CNST: variants seen among roughly 807,000 people sequenced by gnomAD.
CNST encodes consortin.
In CNST, 39 loss-of-function variants were observed where a neutral mutation model predicts 72.4. That is an observed-to-expected ratio of 0.54 (90% confidence interval 0.42 to 0.70). The LOEUF (loss-of-function observed/expected upper bound fraction) is 0.70, where lower values mean the gene tolerates loss of function less well. Among genes scored for constraint, CNST ranks in the 30% least tolerant of loss-of-function variants. The pLI is 0.00. For synonymous variants in CNST, 332 were observed against 320.1 expected (o/e 1.04, Z -0.40); for missense variants, 871 against 868.5 (o/e 1.00, Z -0.04).
At chr1:246,607,698 C>T (rs919916689) in intron 2 of CNST, 3 of 152,250 alleles carry the variant, frequency 2.0e-5, no homozygotes, top group Non-Finnish European at 4.4e-5. Flanking sequence ...GGCCAGCCCT[C>T]TTCCTGCTTC....
intron 2 of CNST, among the ~76,000 whole-genome samples, chr1:246,620,679 G>T (rs1216890311): frequency 8.7e-5 from 12 of 137,832 alleles, no homozygotes; most frequent in Non-Finnish European, 1.4e-4. Flanking sequence ...GATGGGCTCT[G>T]GGAACACTAC....
chr1:246,613,293 G>A (rs1572177981), intron 2 of CNST, among the ~76,000 whole-genome samples: 1 of 152,102 alleles, frequency 6.6e-6, no homozygotes, highest in African/African-American at 2.4e-5. Context: ...TCCACAATTT[G>A]CCGCAGAACA....
chr1:246,649,189 T>C (rs1282700964), intron 9 of CNST, among the ~76,000 whole-genome samples: 2 of 151,672 alleles, frequency 1.3e-5, no homozygotes, highest in African/African-American at 4.8e-5. Flanking sequence ...TAGTTTTTGC[T>C]TAACAAAATT....
At chr1:246,633,552 C>A (rs774427038) in intron 4 of CNST, among the ~76,000 whole-genome samples, 10 of 152,014 alleles carry the variant, frequency 6.6e-5, no homozygotes, top group Non-Finnish European at 1.3e-4. Flanking sequence ...ACGAGCCTGG[C>A]TCACATGGTG....
At chr1:246,635,289 A>G (rs145577819) in intron 6 of CNST, among the ~76,000 whole-genome samples, 1,938 of 151,648 alleles carry the variant, frequency 0.013, 18 homozygotes, top group Middle Eastern at 0.037. Flanking sequence ...CATCGTCTGG[A>G]TTGTCTGGCG....
chr1:246,585,520 G>A (rs542818446), intron 1 of CNST, among the ~76,000 whole-genome samples: 5 of 151,456 alleles, frequency 3.3e-5, no homozygotes, highest in African/African-American at 7.3e-5. Context: ...AGTGGTGCAT[G>A]CCTGTAATCC....
chr1:246,664,716 A>T (rs147940128), intron 10 of CNST, among the ~76,000 whole-genome samples: 3 of 152,090 alleles, frequency 2.0e-5, no homozygotes, highest in East Asian at 3.9e-4. Context: ...GTGAGCCACC[A>T]CACCCAGCCT....
rs552801727 is a variant in CNST, at chr1:246,649,890, A to G, written c.1836+1853A>G. ...TGAGTTTTGGTAACCTTTATCTTCA[A>G]CCTCCTCCCTACTCAGCTGTGTTGA... On this transcript the variant is annotated intron_variant, in intron 9 of 10. Coordinates refer to ENST00000366513, the MANE Select transcript of CNST (RefSeq NM_152609.3). 6.0e-5 allele frequency among the ~76,000 whole-genome samples: 9 copies of G among 148,954 alleles called. No individual in the cohort carries two copies. The East Asian group carries it at 1.4e-3, about 23-fold the overall frequency.
chr1:246,640,467 A>G (rs1377120610), intron 6 of CNST, among the ~76,000 whole-genome samples: 4 of 152,200 alleles, frequency 2.6e-5, no homozygotes, highest in Admixed American at 6.5e-5. Context: ...ACTAATAATA[A>G]TAATAAGGCA....
chr1:246,612,181 G>A (rs1183265762), intron 2 of CNST, among the ~76,000 whole-genome samples: 2 of 152,184 alleles, frequency 1.3e-5, no homozygotes, highest in Non-Finnish European at 2.9e-5. Context: ...TAGTGGTGAT[G>A]ATTGAACAAC....
intron 1 of CNST, among the ~76,000 whole-genome samples, chr1:246,586,013 A>G (rs1661156998): frequency 6.6e-6 from 1 of 150,848 alleles, no homozygotes; most frequent in Non-Finnish European, 1.5e-5. Flanking sequence ...CCAGGAGTTC[A>G]AGGCTGCAAT....
chr1:246,660,217 T>C lies in CNST; in HGVS notation c.1855T>C (p.Leu619=), dbSNP rs766165400. 3.5e-5 allele frequency: 56 copies of C among 1,610,954 alleles called. No homozygotes were observed. Among genetic ancestry groups the C allele is most frequent in the Non-Finnish European group, 3.6e-5 (42 of 1,178,926 alleles). The change falls in exon 10 of 11, where the codon TTG becomes CTG. Residue 619 remains leucine, a synonymous_variant. Transcript: ENST00000366513. ...EIAEVVPTEG[L]VSILKKRNDT... ...CTGACAGGTTGTTCCTACTGAAGGA[T>C]TGGTCTCCATATTAAAGAAGAGGAA...
chr1:246,665,604 T>C, intron 10 of CNST, 96 bp from the exon 11 acceptor site: 1 of 1,002,360 alleles, frequency 1.0e-6, no homozygotes, highest in Non-Finnish European at 1.5e-6. Context: ...GGACCAACAG[T>C]AGAAATGTGT....
intron 10 of CNST, among the ~76,000 whole-genome samples, chr1:246,664,879 A>AT (rs973615026): frequency 1.3e-5 from 2 of 152,120 alleles, no homozygotes; most frequent in Non-Finnish European, 2.9e-5. Flanking sequence ...TGAAATTAAA[A>AT]TTTTTTTTAA....
intron 2 of CNST, among the ~76,000 whole-genome samples, chr1:246,599,860 A>G (rs1350775109): frequency 6.6e-6 from 1 of 152,258 alleles, no homozygotes; most frequent in African/African-American, 2.4e-5. Context: ...TACATAGTCA[A>G]TAGATATTTA....
chr1:246,638,927 G>A (rs568886984), intron 6 of CNST, among the ~76,000 whole-genome samples: 1 of 152,242 alleles, frequency 6.6e-6, no homozygotes, highest in East Asian at 1.9e-4. Context: ...TACAGTTGAA[G>A]GAGCCGTGGG....
At chr1:246,599,276 G>A (rs898561833) in intron 2 of CNST, among the ~76,000 whole-genome samples, 2 of 151,806 alleles carry the variant, frequency 1.3e-5, no homozygotes, top group Admixed American at 6.6e-5. Context: ...TTAAACACAC[G>A]ACAACACAAA....
At chr1:246,648,492 T>C (rs968891823) in intron 9 of CNST, among the ~76,000 whole-genome samples, 2 of 152,164 alleles carry the variant, frequency 1.3e-5, no homozygotes, top group Non-Finnish European at 2.9e-5. Flanking sequence ...AGAGGGAACA[T>C]TTTAAAATAT....
At chr1:246,641,470 G>C (rs183546206) in intron 6 of CNST, among the ~76,000 whole-genome samples, 1 of 152,114 alleles carries the variant, frequency 6.6e-6, no homozygotes, top group East Asian at 1.9e-4. Context: ...TTAGCAAAAG[G>C]TTGTCATTCT....
Sources: gnomAD v4.1 joint callset for allele counts (sites outside exome capture counted in the v4.1 genomes callset) on GRCh38, gnomAD v4.1.1 for gene constraint, MANE v1.5 for transcripts, NCBI Gene and HGNC (gene_info 2026-07-23, HGNC 2026-07-21) for gene names.